The following EYS variants were observed in gnomAD, a reference collection of about 807,000 sequenced individuals.
The protein encoded by EYS is protein eyes shut homolog.
Under a neutral mutation model 282.1 loss-of-function variants are expected in EYS, and 250 were observed. The ratio of observed to expected loss-of-function variants is 0.89; its 90% CI spans 0.80 to 0.98. EYS has a LOEUF of 0.98. EYS is among the 50% of genes least tolerant of loss of function. EYS has a pLI of 0.00. For missense variants in EYS, 4,016 were observed against 3,709.0 expected (o/e 1.08, Z -2.15); for synonymous variants, 1,355 against 1,282.9 (o/e 1.06, Z -1.20).
At chr6:63,941,896 C>T (rs1000857227) in intron 35 of EYS, among the ~76,000 whole-genome samples, 2 of 152,128 alleles carry the variant, frequency 1.3e-5, no homozygotes, top group Non-Finnish European at 2.9e-5. Context: ...TGAATTGGTT[C>T]CATTAATGCT....
At chr6:64,029,314 G>C (rs369359984) in intron 33 of EYS, among the ~76,000 whole-genome samples, 1 of 152,212 alleles carries the variant, frequency 6.6e-6, no homozygotes, top group Non-Finnish European at 1.5e-5. Context: ...GTAGCAAAAG[G>C]CTGGCCTCAC....
At chr6:63,893,216 C>T (rs1447297175) in intron 35 of EYS, among the ~76,000 whole-genome samples, 1 of 152,108 alleles carries the variant, frequency 6.6e-6, no homozygotes, top group Non-Finnish European at 1.5e-5. Context: ...CCCAGCAATC[C>T]TAATACTGGG....
intron 31 of EYS, among the ~76,000 whole-genome samples, chr6:64,125,175 T>TCTCGCGCGCGCGCGCGCG (rs1562213596): frequency 6.7e-6 from 1 of 150,306 alleles, no homozygotes; most frequent in African/African-American, 2.5e-5. Flanking sequence ...TCTCTCTCTC[T>TCTCGCGCGCGCGCGCGCG]CGCTCTCTCT....
intron 30 of EYS, among the ~76,000 whole-genome samples, chr6:64,235,972 A>G (rs1766592813): frequency 6.6e-6 from 1 of 152,198 alleles, no homozygotes; most frequent in Non-Finnish European, 1.5e-5. Flanking sequence ...AACTCATTTT[A>G]TGAGGCCAGC....
At chr6:63,824,038 G>C (rs1771392061) in intron 36 of EYS, among the ~76,000 whole-genome samples, 1 of 152,098 alleles carries the variant, frequency 6.6e-6, no homozygotes, top group East Asian at 1.9e-4. Context: ...ACTGACTTCA[G>C]AATATGCATC....
chr6:65,000,436 A>C (rs1771425455), intron 13 of EYS, among the ~76,000 whole-genome samples: 1 of 152,152 alleles, frequency 6.6e-6, no homozygotes, highest in Non-Finnish European at 1.5e-5. Context: ...AAAGTTTGTA[A>C]TGTGACAAAA....
At chr6:65,496,524 T>C (rs1766264137) in intron 2 of EYS, among the ~76,000 whole-genome samples, 1 of 152,088 alleles carries the variant, frequency 6.6e-6, no homozygotes. Flanking sequence ...AAAAACGTGT[T>C]CTTTGGATCT....
chr6:64,275,171 G>A (rs1176339022), intron 30 of EYS, among the ~76,000 whole-genome samples: 1 of 152,174 alleles, frequency 6.6e-6, no homozygotes, highest in African/African-American at 2.4e-5. Context: ...TAAACAGGAA[G>A]CGTCCTCTTT....
chr6:64,559,781 A>G (rs1253249915), intron 26 of EYS, among the ~76,000 whole-genome samples: 1 of 152,096 alleles, frequency 6.6e-6, no homozygotes, highest in Non-Finnish European at 1.5e-5. Flanking sequence ...ATTCCATTCC[A>G]GGGGTACATG....
At chr6:64,974,959 G>A (rs1269934685) in intron 14 of EYS, among the ~76,000 whole-genome samples, 1 of 151,676 alleles carries the variant, frequency 6.6e-6, no homozygotes, top group Admixed American at 6.6e-5. Context: ...TTATACAAGA[G>A]TAAAAAATGA....
chr6:64,617,067 C>A (rs768381069), intron 24 of EYS, among the ~76,000 whole-genome samples: 3 of 152,192 alleles, frequency 2.0e-5, no homozygotes, highest in Admixed American at 6.6e-5. Context: ...TGTCCTTGGG[C>A]AAAATAAAAG....
At chr6:64,317,729 C>T (rs934943626) in intron 29 of EYS, among the ~76,000 whole-genome samples, 5 of 152,000 alleles carry the variant, frequency 3.3e-5, no homozygotes, top group Non-Finnish European at 5.9e-5. Context: ...CACATGCAAA[C>T]GTATGTTTAT....
chr6:65,208,007 A>G (rs1415503123), intron 12 of EYS, among the ~76,000 whole-genome samples: 2 of 151,800 alleles, frequency 1.3e-5, no homozygotes, highest in Non-Finnish European at 3.0e-5. Context: ...AAACAAAAAT[A>G]GATAACTGGG....
chr6:64,292,111 C>T (rs554276969), intron 30 of EYS, among the ~76,000 whole-genome samples: 1 of 152,086 alleles, frequency 6.6e-6, no homozygotes. Flanking sequence ...AACTTTGAAA[C>T]TTGGTGTGTC....
chr6:64,045,302 G>A (rs1420834236), intron 33 of EYS, among the ~76,000 whole-genome samples: 7 of 151,686 alleles, frequency 4.6e-5, no homozygotes, highest in African/African-American at 1.2e-4. Flanking sequence ...GTTGACAAAC[G>A]TTTTTACTGA....
At chr6:64,708,446 G>T (rs1210335923) in intron 22 of EYS, among the ~76,000 whole-genome samples, 1 of 151,942 alleles carries the variant, frequency 6.6e-6, no homozygotes, top group Non-Finnish European at 1.5e-5. Flanking sequence ...AAATTCCTGG[G>T]GAAGGAAGTC....
At chr6:64,446,334 GT>G (rs996502783) in intron 26 of EYS, among the ~76,000 whole-genome samples, 15 of 152,000 alleles carry the variant, frequency 9.9e-5, no homozygotes, top group South Asian at 4.1e-4. Context: ...CTGCAACAGA[GT>G]TTTTTTAATA....
At chr6:65,283,683 G>A (rs749114834) in intron 12 of EYS, among the ~76,000 whole-genome samples, 36 of 151,158 alleles carry the variant, frequency 2.4e-4, no homozygotes, top group Non-Finnish European at 4.7e-4. Context: ...TTTTTACGGT[G>A]GTCTCATTTC....
chr6:63,930,778 C>T (rs984669329), intron 35 of EYS, among the ~76,000 whole-genome samples: 4 of 152,028 alleles, frequency 2.6e-5, no homozygotes, highest in Non-Finnish European at 5.9e-5. Flanking sequence ...TGAGTGTTCT[C>T]GGTCACCACA....
Sources: allele counts gnomAD v4.1 joint callset (sites outside exome capture counted in the v4.1 genomes callset), GRCh38; gene constraint gnomAD v4.1.1; transcripts MANE v1.5; gene names NCBI Gene and HGNC (gene_info 2026-07-23, HGNC 2026-07-21).